STX8: variants seen among roughly 807,000 people sequenced by gnomAD.
STX8 encodes syntaxin-8.
A neutral mutation model predicts 37.5 loss-of-function variants in STX8; 23 were observed. That is an observed-to-expected ratio of 0.61 (90% CI 0.44 to 0.87). The LOEUF (loss-of-function observed/expected upper bound fraction) is 0.87. STX8 is among the 40% of genes least tolerant of loss of function. The pLI, the probability that STX8 is intolerant of heterozygous loss-of-function variation, is 0.00. For synonymous variants in STX8, 115 were observed against 99.1 expected (o/e 1.16, Z -0.95); for missense variants, 313 against 284.7 (o/e 1.10, Z -0.71).
chr17:9,380,094 G>A (rs1911742450), intron 6 of STX8, among the ~76,000 whole-genome samples: 3 of 151,950 alleles, frequency 2.0e-5, no homozygotes, highest in Admixed American at 2.0e-4. Flanking sequence ...TCTTAACTAT[G>A]TAAAATTATT....
intron 7 of STX8, among the ~76,000 whole-genome samples, chr17:9,300,061 G>A (rs140102779): frequency 9.2e-5 from 14 of 152,162 alleles, no homozygotes; most frequent in African/African-American, 3.4e-4. Flanking sequence ...GCAGGGTGCG[G>A]TGGCTCATGC....
At chr17:9,544,222 G>A (rs929253302) in intron 4 of STX8, among the ~76,000 whole-genome samples, 8 of 152,174 alleles carry the variant, frequency 5.3e-5, no homozygotes, top group African/African-American at 1.9e-4. Flanking sequence ...TTCCACCCAA[G>A]CTCATTGCCT....
chr17:9,367,285 A>G lies in STX8; in HGVS notation c.643+11267T>C, dbSNP rs550512833. ...GGTAGGGGGCGGCTTCTCACTTCCC[A>G]TTGAGGATGTCAAAGCCACCAGATT... On this transcript the variant is annotated intron_variant, in intron 7 of 7. Transcript: ENST00000306357. Among the ~76,000 whole-genome samples the G allele has an allele frequency of 2.5e-3, 378 of 149,596 alleles. 1 individual carries two copies. The highest frequency in any genetic ancestry group is 7.0e-3 in the Middle Eastern group (2 of 284).
intron 7 of STX8, among the ~76,000 whole-genome samples, chr17:9,355,332 C>CTTT (rs57991262): frequency 1.6e-4 from 19 of 116,248 alleles, no homozygotes; most frequent in East Asian, 2.5e-4. Context: ...CTTTGTGGAA[C>CTTT]TTTTTTTTTT....
At chr17:9,505,210 A>T in intron 4 of STX8, 48 bp from the exon 5 acceptor site, 1 of 1,569,132 alleles carries the variant, frequency 6.4e-7, no homozygotes, top group East Asian at 2.3e-5. Flanking sequence ...CATGCAGCTC[A>T]AATGCAAATT....
chr17:9,316,689 T>C (rs1416334896), intron 7 of STX8, among the ~76,000 whole-genome samples: 1 of 152,196 alleles, frequency 6.6e-6, no homozygotes, highest in Non-Finnish European at 1.5e-5. Flanking sequence ...AAGTGTTTCT[T>C]GGAGTTCCGT....
chr17:9,546,591 GTTTTTT>G (rs386385626), intron 3 of STX8, among the ~76,000 whole-genome samples: 48 of 52,216 alleles, frequency 9.2e-4, no homozygotes, highest in African/African-American at 3.8e-3. Flanking sequence ...TACAAAAGTG[GTTTTTT>G]TTTTTTTTTT....
At position 9,400,785 on chromosome 17, in the gene STX8, T is replaced by C. The variant is rs537553678; in HGVS notation, c.542-22132A>G. ...TTATAAAAATGTACAGTGGTTACTT[T>C]TGCTCTGTTGTATCTTGTTGGTTAC... On this transcript the variant is annotated intron_variant, in intron 6 of 7. Transcript: ENST00000306357. Among the ~76,000 whole-genome samples the C allele has an allele frequency of 2.0e-5, 3 of 152,362 alleles. No individual in the cohort carries two copies. The South Asian group carries it at 6.2e-4, about 32-fold the overall frequency.
chr17:9,485,598 T>TC (rs1457918426), intron 6 of STX8, among the ~76,000 whole-genome samples: 1 of 151,580 alleles, frequency 6.6e-6, no homozygotes, highest in Non-Finnish European at 1.5e-5. Context: ...TTGGTTTTTT[T>TC]TTTTTGAGAC....
chr17:9,490,262 T>C (rs544365930), intron 6 of STX8, among the ~76,000 whole-genome samples: 16 of 152,228 alleles, frequency 1.1e-4, no homozygotes, highest in Non-Finnish European at 1.9e-4. Flanking sequence ...AACTCATTCT[T>C]CCCAAGGATG....
chr17:9,478,197 G>A (rs1289426162), intron 6 of STX8, among the ~76,000 whole-genome samples: 6 of 152,150 alleles, frequency 3.9e-5, no homozygotes, highest in Admixed American at 3.9e-4. Flanking sequence ...GTGCAGTGGT[G>A]CAATCTCGCC....
chr17:9,552,271 A>G (rs1339337987), intron 3 of STX8, among the ~76,000 whole-genome samples: 1 of 152,158 alleles, frequency 6.6e-6, no homozygotes, highest in African/African-American at 2.4e-5. Context: ...GAGGCCAGGA[A>G]TTTGAGGCTG....
intron 4 of STX8, among the ~76,000 whole-genome samples, chr17:9,532,137 G>T (rs1905843502): frequency 6.6e-6 from 1 of 150,926 alleles, no homozygotes; most frequent in African/African-American, 2.4e-5. Flanking sequence ...TGTTAATAGA[G>T]CTTCCTTTCC....
chr17:9,270,961 T>C (rs1278193127), intron 7 of STX8, among the ~76,000 whole-genome samples: 3 of 152,224 alleles, frequency 2.0e-5, no homozygotes, highest in East Asian at 1.9e-4. Context: ...TTCAGACAAC[T>C]GGGCCCATTT....
intron 4 of STX8, among the ~76,000 whole-genome samples, chr17:9,536,453 G>C (rs1015169837): frequency 1.1e-4 from 16 of 152,084 alleles, no homozygotes; most frequent in Admixed American, 7.2e-4. Context: ...TTTTGAGCAG[G>C]GTAATCTGTT....
chr17:9,575,733 C>T, intron 1 of STX8, 59 bp downstream of exon 1: 1 of 1,541,850 alleles, frequency 6.5e-7, no homozygotes, highest in Non-Finnish European at 8.8e-7. Context: ...GCCTGCTCTC[C>T]GGAAGCCCGG....
chr17:9,458,983 C>A (rs1331440665), intron 6 of STX8, among the ~76,000 whole-genome samples: 2 of 152,044 alleles, frequency 1.3e-5, no homozygotes, highest in Admixed American at 6.5e-5. Context: ...GCGCCCACCA[C>A]CACGCCCGGC....
In STX8 at chr17:9,352,408, CTT is replaced by C. The variant is rs150063477; in HGVS notation, c.643+26142_643+26143del. Among the ~76,000 whole-genome samples, 235 of 143,182 alleles carry C rather than the reference CTT, an allele frequency of 1.6e-3. 1 individual carries two copies. The highest frequency in any genetic ancestry group is 5.7e-3 in the African/African-American group (222 of 38,992). 93.9% of individuals were successfully genotyped at this position (143,182 alleles called of 152,430 possible). ...GCAAAAGCTGTTTTTCTAATTTTAT[CTT>C]TTTTTTTTAATATATCTTAGCTGGG... On this transcript the variant is annotated intron_variant, in intron 7 of 7. Coordinates refer to ENST00000306357, the MANE Select transcript of STX8 (RefSeq NM_004853.3).
At chr17:9,570,725 T>C (rs566136546) in intron 1 of STX8, among the ~76,000 whole-genome samples, 1 of 152,222 alleles carries the variant, frequency 6.6e-6, no homozygotes, top group African/African-American at 2.4e-5. Flanking sequence ...GTCCAGACCA[T>C]ACATATAAAA....
Sources: gnomAD v4.1 joint callset for allele counts (sites outside exome capture counted in the v4.1 genomes callset) on GRCh38, gnomAD v4.1.1 for gene constraint, MANE v1.5 for transcripts, NCBI Gene and HGNC (gene_info 2026-07-23, HGNC 2026-07-21) for gene names.